PMVK: variants seen among roughly 807,000 people sequenced by gnomAD.
PMVK encodes the protein testis tissue sperm-binding protein Li 95mP.
A neutral mutation model predicts 19.0 loss-of-function variants in PMVK; 10 were observed. That is an observed-to-expected ratio of 0.53 (90% CI 0.32 to 0.89). The LOEUF (loss-of-function observed/expected upper bound fraction) is 0.89. Among genes scored for constraint, PMVK ranks in the 40% least tolerant of loss-of-function variants. The probability of loss-of-function intolerance (pLI) is 0.03; values close to 1 mark genes in which losing one functional copy is unlikely to be tolerated. For synonymous variants in PMVK, 108 were observed against 101.6 expected (o/e 1.06, Z -0.38); for missense variants, 222 against 251.1 (o/e 0.88, Z 0.78).
intron 2 of PMVK, among the ~76,000 whole-genome samples, chr1:154,930,357 G>A (rs1331971548): frequency 2.6e-5 from 4 of 152,226 alleles, no homozygotes; most frequent in African/African-American, 9.6e-5. Context: ...CTACTCAGGA[G>A]GCTAAGGCAG....
chr1:154,925,017 G>T lies in PMVK; in HGVS notation c.*112C>A. 1.3e-5 allele frequency: 11 copies of T among 823,830 alleles called. No individual in the cohort carries two copies. The highest frequency in any genetic ancestry group is 5.1e-5 in the South Asian group (2 of 39,424). The allele number at this position is 823,830 out of a possible 1,614,324, so 51.0% of individuals were successfully genotyped here. On this transcript the variant is annotated 3_prime_UTR_variant, in exon 5 of 5. Coordinates refer to ENST00000368467, the MANE Select transcript of PMVK (RefSeq NM_006556.4). ...TATCCACCAACCCCCTCAGAATCTA[G>T]ACCCCCCCTGTCTGTTCCTCACCTC...
chr1:154,936,695 A>T lies in PMVK; in HGVS notation c.-10T>A, dbSNP rs1654518134. 1 of 1,595,086 alleles carries T rather than the reference A, an allele frequency of 6.3e-7. No homozygotes were observed. Among genetic ancestry groups the T allele is most frequent in the Non-Finnish European group, 8.5e-7 (1 of 1,170,864 alleles). On this transcript the variant is annotated 5_prime_UTR_variant, in exon 1 of 5. Coordinates refer to ENST00000368467, the MANE Select transcript of PMVK (RefSeq NM_006556.4). Reference sequence around the variant, plus strand: ...CTCCCAGCGGGGCCATGGGGCCGCCACGCCTCGCGATGCCTGAAGCTGACA... The same window carrying T: ...CTCCCAGCGGGGCCATGGGGCCGCCTCGCCTCGCGATGCCTGAAGCTGACA...
chr1:154,941,276 A>C (rs1022619139), upstream of PMVK, among the ~76,000 whole-genome samples: 5 of 152,178 alleles, frequency 3.3e-5, no homozygotes, highest in African/African-American at 1.2e-4. Context: ...AGCGGCAGTC[A>C]CCTATCCTGG....
In PMVK at chr1:154,925,032, T is replaced by G; in HGVS notation, c.*97A>C. The G allele has an allele frequency of 2.2e-4, 146 of 655,882 alleles. No individual in the cohort carries two copies. Among genetic ancestry groups the G allele is most frequent in the Non-Finnish European group, 3.1e-4 (132 of 422,950 alleles). The allele number at this position is 655,882 out of a possible 1,614,324, so 40.6% of individuals were successfully genotyped here. ...TCAGAATCTAGACCCCCCCTGTCTG[T>G]TCCTCACCTCGGCCAGGATCGGGGG... is the stretch of plus-strand genomic sequence containing the variant. On this transcript the variant is annotated 3_prime_UTR_variant, in exon 5 of 5. Coordinates refer to ENST00000368467, the MANE Select transcript of PMVK (RefSeq NM_006556.4).
Position 154,932,207 on chromosome 1 carries a change from T to C in PMVK, c.159+145A>G, listed in dbSNP as rs3738024. The C allele has an allele frequency of 7.0e-5, 48 of 686,380 alleles. No individual in the cohort carries two copies. In the East Asian group the frequency reaches 1.3e-3, roughly 18 times the overall value. The allele number at this position is 686,380 out of a possible 1,614,324, so 42.5% of individuals were successfully genotyped here. Reference sequence around the variant, plus strand: ...ATAAGCTGAAAATGCCCCCGAAAGGTCCACTCACAGAAAACCAAGAGCTGG... The same window carrying C: ...ATAAGCTGAAAATGCCCCCGAAAGGCCCACTCACAGAAAACCAAGAGCTGG... On this transcript the variant is annotated intron_variant, in intron 2 of 4. Coordinates refer to ENST00000368467, the MANE Select transcript of PMVK (RefSeq NM_006556.4).
chr1:154,926,445 CCA>C lies in PMVK; in HGVS notation c.349_350del (p.Trp117ValfsTer36), dbSNP rs764895434. 2.5e-6 allele frequency: 4 copies of C among 1,613,972 alleles called. No homozygotes were observed. In the South Asian group the frequency reaches 4.4e-5, roughly 18 times the overall value. On this transcript the variant is annotated frameshift_variant, in exon 4 of 5. Transcript: ENST00000368467. LOFTEE classifies it high-confidence loss of function. ...SDTRRVSDIQWFREAYGAVTQ... is the reference protein window; with the variant it reads ...SDTRRVSDIQXFREAYGAVTQ... ...TCACGGCCCCATAGGCCTCCCGAAA[CCA>C]CTGGATGTCAGACACTCTCCGTGTG...
At chr1:154,937,888 T>A (rs1474446895), upstream of PMVK, 1 of 152,050 alleles carries the variant, frequency 6.6e-6, no homozygotes, top group Non-Finnish European at 1.5e-5. Flanking sequence ...ACTGCACTCA[T>A]CAACGCCCTA....
In PMVK at chr1:154,926,376, C is replaced by T; in HGVS notation, c.420G>A (p.Gln140=). Residue 140 remains glutamine (Q), a synonymous_variant, in exon 4 of 5, where the codon CAG becomes CAA. Coordinates refer to ENST00000368467, the MANE Select transcript of PMVK (RefSeq NM_006556.4). ...CACCTGGCGTGAACACCCAGCCCCGCTGCTGTCGGCTCTGCTCCAACGCTA... is the reference window on the plus strand; with the variant it reads ...CACCTGGCGTGAACACCCAGCCCCGTTGCTGTCGGCTCTGCTCCAACGCTA... ...RVVALEQSRQ[Q]RGWVFTPGVD... The T allele has an allele frequency of 6.2e-7, 1 of 1,613,582 alleles. No individual in the cohort carries two copies. The highest frequency in any genetic ancestry group is 1.7e-5 in the Admixed American group (1 of 60,000).
upstream of PMVK, among the ~76,000 whole-genome samples, chr1:154,939,130 C>T (rs976580241): frequency 3.3e-5 from 5 of 152,160 alleles, no homozygotes; most frequent in African/African-American, 4.8e-5. Context: ...TCCAACACCC[C>T]GCTGCTCAAT....
At chr1:154,926,270 T>G in intron 4 of PMVK, 84 bp downstream of exon 4, 1 of 1,323,104 alleles carries the variant, frequency 7.6e-7, no homozygotes, top group South Asian at 1.3e-5. Context: ...CATCCCTTAT[T>G]CACTTCCCCC....
upstream of PMVK, among the ~76,000 whole-genome samples, chr1:154,939,924 T>C (rs1408596328): frequency 7.3e-6 from 1 of 136,418 alleles, no homozygotes; most frequent in Non-Finnish European, 1.5e-5. Context: ...GCCACCATGC[T>C]GAGTTAAACT....
intron 4 of PMVK, among the ~76,000 whole-genome samples, chr1:154,925,731 G>A (rs1285455450): frequency 6.6e-6 from 1 of 152,156 alleles, no homozygotes; most frequent in Non-Finnish European, 1.5e-5. Context: ...TTCAGGCCAG[G>A]GCCTCATCCA....
In PMVK at chr1:154,936,599, C is replaced by CA; in HGVS notation, c.86dup (p.Gln30AlafsTer7). 6.2e-7 allele frequency: 1 copy of CA among 1,602,946 alleles called. No individual in the cohort carries two copies. The highest frequency in any genetic ancestry group is 8.5e-7 in the Non-Finnish European group (1 of 1,174,948). ...TCCCGCCTCACGGACACCTGCTCTGCAGCGCCTCGGTCACGAAGTCCTTCC... is the reference window on the plus strand; with the variant it reads ...TCCCGCCTCACGGACACCTGCTCTGCAAGCGCCTCGGTCACGAAGTCCTTCC... On this transcript the variant is annotated frameshift_variant, in exon 1 of 5. Coordinates refer to ENST00000368467, the MANE Select transcript of PMVK (RefSeq NM_006556.4). LOFTEE classifies it high-confidence loss of function.
chr1:154,942,108 C>T, the PMVK span, among the ~76,000 whole-genome samples: 2 of 152,212 alleles, frequency 1.3e-5, no homozygotes, highest in African/African-American at 4.8e-5. Context: ...CCAAGGACCC[C>T]TGAGCTCAGC....
chr1:154,929,069 G>T lies in PMVK; in HGVS notation c.267C>A (p.Gly89=), dbSNP rs1654257468. Residue 89 remains glycine (G), a synonymous_variant, in exon 3 of 5, where the codon GGC becomes GGA. Coordinates refer to ENST00000368467, the MANE Select transcript of PMVK (RefSeq NM_006556.4). The part of the protein sequence containing the change: ...WGEEKRQADP[G]FFCRKIVEGI... ...CCTCCACAATCTTCCTGCAAAAGAA[G>T]CCTGGGTCAGCCTGGCGTTTCTCCT... The T allele has an allele frequency of 1.2e-6, 2 of 1,614,196 alleles. No homozygotes were observed. The highest frequency in any genetic ancestry group is 4.5e-5 in the East Asian group (2 of 44,876).
the PMVK span, among the ~76,000 whole-genome samples, chr1:154,942,132 GGCCC>G: frequency 3.3e-5 from 5 of 152,230 alleles, no homozygotes; most frequent in Non-Finnish European, 5.9e-5. Context: ...CAGGGAAGCA[GGCCC>G]TACTTGGGCA....
chr1:154,930,748 A>C (rs1654310801), intron 2 of PMVK, among the ~76,000 whole-genome samples: 1 of 151,826 alleles, frequency 6.6e-6, no homozygotes, highest in Non-Finnish European at 1.5e-5. Context: ...GATACAAAGA[A>C]ATTCTGTATC....
At chr1:154,942,492 C>T in the PMVK span, among the ~76,000 whole-genome samples, 4 of 152,218 alleles carry the variant, frequency 2.6e-5, no homozygotes, top group African/African-American at 4.8e-5. Flanking sequence ...GTGATGAGTG[C>T]GAGGATCGCC....
intron 2 of PMVK, among the ~76,000 whole-genome samples, chr1:154,931,380 C>G (rs527263859): frequency 6.6e-6 from 1 of 152,232 alleles, no homozygotes; most frequent in Admixed American, 6.5e-5. Flanking sequence ...TTCCAAGTTC[C>G]CTTTCTGAAG....
Sources: allele counts gnomAD v4.1 joint callset (sites outside exome capture counted in the v4.1 genomes callset), GRCh38; gene constraint gnomAD v4.1.1; transcripts MANE v1.5; gene names NCBI Gene and HGNC (gene_info 2026-07-23, HGNC 2026-07-21).